Variants in ZBTB20 observed in about 807,000 individuals in gnomAD.
ZBTB20 encodes zinc finger and BTB domain-containing protein 20.
In ZBTB20, 9 loss-of-function variants were observed where a neutral mutation model predicts 56.9. The observed-to-expected ratio is 0.16, with a 90% CI of 0.10 to 0.28. The LOEUF (loss-of-function observed/expected upper bound fraction) is 0.28. Ranked by LOEUF, ZBTB20 falls within the 10% of genes least tolerant of loss-of-function variation. ZBTB20 has a pLI of 1.00. For missense variants in ZBTB20, 655 were observed against 1,003.0 expected, an observed-to-expected ratio of 0.65 and a Z score of 4.69; for synonymous variants, 417 against 420.7, an observed-to-expected ratio of 0.99 and a Z score of 0.11.
chr3:114,494,261 T>C (rs1284530437), intron 7 of ZBTB20, among the ~76,000 whole-genome samples: 3 of 152,200 alleles, frequency 2.0e-5, no homozygotes, highest in African/African-American at 4.8e-5. Flanking sequence ...TTCTTGCCTG[T>C]TCCCCCAGGT....
intron 6 of ZBTB20, among the ~76,000 whole-genome samples, chr3:114,671,024 G>C (rs1326589063): frequency 6.6e-6 from 1 of 152,110 alleles, no homozygotes; most frequent in East Asian, 1.9e-4. Context: ...TGCTCTAATG[G>C]TATTTGTTGA....
At chr3:114,981,454 ATTCCACATTTTAG>A (rs2078323463) in intron 2 of ZBTB20, among the ~76,000 whole-genome samples, 1 of 152,118 alleles carries the variant, frequency 6.6e-6, no homozygotes, top group Non-Finnish European at 1.5e-5. Flanking sequence ...CTTTAAAATC[ATTCCACATTTTAG>A]AAGTGACAGC....
chr3:114,593,538 C>A (rs936223174), intron 6 of ZBTB20, among the ~76,000 whole-genome samples: 1 of 152,008 alleles, frequency 6.6e-6, no homozygotes, highest in African/African-American at 2.4e-5. Context: ...GCATGCGCCA[C>A]CACACATGGC....
intron 7 of ZBTB20, among the ~76,000 whole-genome samples, chr3:114,398,637 C>T (rs2086546698): frequency 6.6e-6 from 1 of 152,126 alleles, no homozygotes; most frequent in South Asian, 2.1e-4. Flanking sequence ...AATCTAGGAA[C>T]ATCAAGTGAT....
intron 7 of ZBTB20, among the ~76,000 whole-genome samples, chr3:114,453,203 G>A (rs983481047): frequency 6.6e-6 from 1 of 152,112 alleles, no homozygotes; most frequent in African/African-American, 2.4e-5. Flanking sequence ...AATTGAAATG[G>A]AGAACACAAA....
chr3:114,468,081 A>T lies in ZBTB20; in HGVS notation c.-255+32271T>A, dbSNP rs576972838. 7.2e-5 allele frequency among the ~76,000 whole-genome samples: 11 copies of T among 152,298 alleles called. No homozygotes were observed. In the South Asian group the frequency reaches 2.3e-3, roughly 32 times the overall value. On this transcript the variant is annotated intron_variant, in intron 7 of 11. Transcript: ENST00000675478. ...TCCAAGATTTTTTTTAAAGTTTTGA[A>T]TATTTTTTTATGTCACCAAAAGGTG...
chr3:115,140,680 A>G (rs984678701), intron 1 of ZBTB20, among the ~76,000 whole-genome samples: 2 of 152,164 alleles, frequency 1.3e-5, no homozygotes, highest in Admixed American at 6.5e-5. Context: ...TGAATTTCTG[A>G]TAATTTATAA....
chr3:115,133,941 A>C (rs2108675350), intron 1 of ZBTB20, among the ~76,000 whole-genome samples: 1 of 152,282 alleles, frequency 6.6e-6, no homozygotes, highest in South Asian at 2.1e-4. Context: ...TATCATCTTC[A>C]CAAGGAGTTT....
intron 3 of ZBTB20, among the ~76,000 whole-genome samples, chr3:114,933,418 C>A (rs1432262123): frequency 1.3e-5 from 2 of 152,208 alleles, no homozygotes; most frequent in Non-Finnish European, 2.9e-5. Context: ...GTGTAATCCA[C>A]CCACTTGCTA....
intron 2 of ZBTB20, among the ~76,000 whole-genome samples, chr3:115,062,198 C>T (rs952681713): frequency 4.6e-5 from 7 of 152,210 alleles, no homozygotes; most frequent in African/African-American, 1.7e-4. Context: ...GCAGAGCAAA[C>T]TGCCACAATG....
intron 2 of ZBTB20, among the ~76,000 whole-genome samples, chr3:115,055,510 T>C (rs562191079): frequency 6.6e-6 from 1 of 152,224 alleles, no homozygotes; most frequent in African/African-American, 2.4e-5. Context: ...GCTAAGTCTG[T>C]GGTAATTTGT....
intron 7 of ZBTB20, among the ~76,000 whole-genome samples, chr3:114,427,400 C>A (rs2089767814): frequency 6.6e-6 from 1 of 152,208 alleles, no homozygotes; most frequent in Admixed American, 6.5e-5. Context: ...ACGGGATCAA[C>A]TATATAAAAA....
intron 6 of ZBTB20, among the ~76,000 whole-genome samples, chr3:114,588,163 A>AC (rs1358689435): frequency 6.6e-6 from 1 of 152,188 alleles, no homozygotes; most frequent in Non-Finnish European, 1.5e-5. Flanking sequence ...GAAGGGGCGG[A>AC]CAGCTTTCTT....
At chr3:114,430,907 T>C (rs528697288) in intron 7 of ZBTB20, among the ~76,000 whole-genome samples, 1 of 152,162 alleles carries the variant, frequency 6.6e-6, no homozygotes, top group Non-Finnish European at 1.5e-5. Context: ...CTTACCTTGT[T>C]TTCTGTAAAG....
chr3:114,840,611 A>C (rs923809334), intron 4 of ZBTB20, among the ~76,000 whole-genome samples: 10 of 152,234 alleles, frequency 6.6e-5, no homozygotes, highest in Non-Finnish European at 7.3e-5. Flanking sequence ...ATATAGAGTC[A>C]AAATTGTGAT....
chr3:114,785,490 G>A (rs1261566986), intron 5 of ZBTB20, among the ~76,000 whole-genome samples: 1 of 152,046 alleles, frequency 6.6e-6, no homozygotes, highest in African/African-American at 2.4e-5. Flanking sequence ...TTATCTTAGG[G>A]GGTGACAGAA....
At chr3:114,805,269 T>C (rs2072016594) in intron 4 of ZBTB20, among the ~76,000 whole-genome samples, 1 of 151,916 alleles carries the variant, frequency 6.6e-6, no homozygotes, top group Non-Finnish European at 1.5e-5. Flanking sequence ...TTTTTTCTGT[T>C]CCAAAAATCC....
At chr3:114,361,651 C>T (rs1335426567) in intron 10 of ZBTB20, among the ~76,000 whole-genome samples, 8 of 152,096 alleles carry the variant, frequency 5.3e-5, no homozygotes, top group Non-Finnish European at 1.0e-4. Flanking sequence ...GAATTATTAA[C>T]CCAGAATGGG....
intron 8 of ZBTB20, among the ~76,000 whole-genome samples, chr3:114,382,157 C>G (rs1450114081): frequency 6.6e-6 from 1 of 152,180 alleles, no homozygotes; most frequent in Non-Finnish European, 1.5e-5. Context: ...GCCTTAAAGC[C>G]AATTCATCAG....
Sources: allele counts gnomAD v4.1 joint callset (sites outside exome capture counted in the v4.1 genomes callset), GRCh38; gene constraint gnomAD v4.1.1; transcripts MANE v1.5; gene names NCBI Gene and HGNC (gene_info 2026-07-23, HGNC 2026-07-21).